Variants in PLPP4 observed in about 807,000 individuals in gnomAD.
PLPP4 encodes the protein phospholipid phosphatase 4.
In PLPP4, 20 loss-of-function variants were observed where a neutral mutation model predicts 32.2. That is an observed-to-expected ratio of 0.62 (90% CI 0.44 to 0.90). PLPP4 has a LOEUF of 0.90. Among genes scored for constraint, PLPP4 ranks in the 40% least tolerant of loss-of-function variants. The pLI is 0.00. For missense variants in PLPP4, 257 were observed against 353.1 expected (o/e 0.73, Z 2.18); for synonymous variants, 127 against 133.0 (o/e 0.95, Z 0.31).
chr10:120,553,813 C>T (rs551674129), intron 5 of PLPP4, among the ~76,000 whole-genome samples: 3 of 152,296 alleles, frequency 2.0e-5, no homozygotes, highest in Admixed American at 6.5e-5. Flanking sequence ...GTGCCATGTC[C>T]CCAGGTTACT....
chr10:120,520,379 T>C (rs150844964), intron 4 of PLPP4, among the ~76,000 whole-genome samples: 76 of 152,154 alleles, frequency 5.0e-4, no homozygotes, highest in African/African-American at 1.7e-3. Flanking sequence ...GAGCCTGGAG[T>C]CTTGGATCCC....
intron 6 of PLPP4, among the ~76,000 whole-genome samples, chr10:120,581,693 A>G (rs923112852): frequency 2.0e-5 from 3 of 151,634 alleles, no homozygotes; most frequent in Non-Finnish European, 4.4e-5. Flanking sequence ...GCTCTTCTTC[A>G]GATGTGGGCG....
intron 1 of PLPP4, among the ~76,000 whole-genome samples, chr10:120,465,201 GT>G (rs1848256406): frequency 6.6e-6 from 1 of 152,194 alleles, no homozygotes; most frequent in Non-Finnish European, 1.5e-5. Flanking sequence ...TTATCTTGCT[GT>G]TCTATGTGGA....
chr10:120,567,575 T>C (rs139791229), intron 5 of PLPP4, among the ~76,000 whole-genome samples: 65 of 152,340 alleles, frequency 4.3e-4, no homozygotes, highest in African/African-American at 1.5e-3. Context: ...AGTTAGCAAG[T>C]GGATCTCAAT....
chr10:120,561,661 C>T (rs1848439666), intron 5 of PLPP4, among the ~76,000 whole-genome samples: 1 of 152,308 alleles, frequency 6.6e-6, no homozygotes, highest in Admixed American at 6.5e-5. Flanking sequence ...TTCTTTCTTG[C>T]TCATGCTATG....
At chr10:120,457,151 C>A (rs964115988), upstream of PLPP4, 13 of 326,064 alleles carry the variant, frequency 4.0e-5, no homozygotes, top group South Asian at 1.3e-4. Flanking sequence ...GAGCCCTCCC[C>A]GGCGCCTGCC....
Position 120,543,779 on chromosome 10 carries a change from C to T in PLPP4, c.445+22684C>T, listed in dbSNP as rs372256714. 2.2e-4 allele frequency among the ~76,000 whole-genome samples: 34 copies of T among 152,302 alleles called. 1 individual carries two copies. In the South Asian group the frequency reaches 4.1e-3, roughly 19 times the overall value. Reference sequence around the variant, plus strand: ...TAAACACTGACTCCCCATTCCCCTTCGCCAAGCCCCTGGCAACCACCACTC... The same window carrying T: ...TAAACACTGACTCCCCATTCCCCTTTGCCAAGCCCCTGGCAACCACCACTC... On this transcript the variant is annotated intron_variant, in intron 5 of 6. Coordinates refer to ENST00000398250, the MANE Select transcript of PLPP4 (RefSeq NM_001030059.3).
intron 5 of PLPP4, among the ~76,000 whole-genome samples, chr10:120,547,439 T>C (rs1053778496): frequency 6.6e-6 from 1 of 152,186 alleles, no homozygotes; most frequent in African/African-American, 2.4e-5. Flanking sequence ...TGTGTATGTG[T>C]TTTAAAAATT....
chr10:120,546,422 T>G (rs902025082), intron 5 of PLPP4, among the ~76,000 whole-genome samples: 2 of 152,184 alleles, frequency 1.3e-5, no homozygotes, highest in African/African-American at 4.8e-5. Context: ...CTTGAAAACC[T>G]AGGGATCTGC....
intron 1 of PLPP4, among the ~76,000 whole-genome samples, chr10:120,478,441 T>C (rs1476481494): frequency 1.3e-5 from 2 of 152,226 alleles, no homozygotes; most frequent in Non-Finnish European, 2.9e-5. Flanking sequence ...CTGGAATTTT[T>C]TCTTTTTCTT....
chr10:120,515,568 G>A (rs1253892609), intron 3 of PLPP4, among the ~76,000 whole-genome samples: 1 of 152,204 alleles, frequency 6.6e-6, no homozygotes, highest in Non-Finnish European at 1.5e-5. Flanking sequence ...GCCTGTCGAT[G>A]CCCTCCCTCA....
At chr10:120,566,862 A>C (rs1848717208) in intron 5 of PLPP4, among the ~76,000 whole-genome samples, 1 of 152,126 alleles carries the variant, frequency 6.6e-6, no homozygotes, top group Non-Finnish European at 1.5e-5. Context: ...GCCTTTTCCT[A>C]CTTAAGCAGG....
At chr10:120,526,389 G>A (rs1846392287) in intron 5 of PLPP4, among the ~76,000 whole-genome samples, 1 of 152,100 alleles carries the variant, frequency 6.6e-6, no homozygotes, top group Admixed American at 6.5e-5. Context: ...ATTGGGCAGG[G>A]CTTGTTAATT....
chr10:120,491,229 T>G (rs1208334784), intron 1 of PLPP4, among the ~76,000 whole-genome samples: 1 of 152,090 alleles, frequency 6.6e-6, no homozygotes, highest in Non-Finnish European at 1.5e-5. Context: ...TTTCCCTGGG[T>G]CACAAGCTTA....
At chr10:120,476,189 C>T (rs200711883) in intron 1 of PLPP4, among the ~76,000 whole-genome samples, 3 of 152,320 alleles carry the variant, frequency 2.0e-5, no homozygotes, top group Non-Finnish European at 4.4e-5. Context: ...ATCAGGGACA[C>T]GTTTTGCCTG....
intron 5 of PLPP4, among the ~76,000 whole-genome samples, chr10:120,534,280 G>C (rs1846893491): frequency 6.6e-6 from 1 of 151,588 alleles, no homozygotes; most frequent in South Asian, 2.1e-4. Context: ...GTTTTCTTCT[G>C]GAGTTGTTTC....
chr10:120,475,763 GT>G (rs1365717893), intron 1 of PLPP4, among the ~76,000 whole-genome samples: 1 of 152,194 alleles, frequency 6.6e-6, no homozygotes, highest in Admixed American at 6.5e-5. Flanking sequence ...TCCTGGAGGT[GT>G]TTTTTCTATG....
At chr10:120,524,182 T>C (rs1192310010) in intron 5 of PLPP4, among the ~76,000 whole-genome samples, 1 of 152,172 alleles carries the variant, frequency 6.6e-6, no homozygotes, top group Non-Finnish European at 1.5e-5. Flanking sequence ...ATTTTCTCCT[T>C]TTTTTAAATG....
chr10:120,501,529 A>C (rs1179521022), intron 1 of PLPP4, among the ~76,000 whole-genome samples: 1 of 152,230 alleles, frequency 6.6e-6, no homozygotes. Flanking sequence ...GAGATGAAGA[A>C]ACTGAGGCTC....
Sources: allele counts gnomAD v4.1 joint callset (sites outside exome capture counted in the v4.1 genomes callset), GRCh38; gene constraint gnomAD v4.1.1; transcripts MANE v1.5; gene names NCBI Gene and HGNC (gene_info 2026-07-23, HGNC 2026-07-21).